Variants in OR3A2 observed in about 807,000 individuals in gnomAD.
The protein encoded by OR3A2 is olfactory receptor 3A2.
For missense variants in OR3A2, 318 were observed against 392.8 expected, an observed-to-expected ratio of 0.81 and a Z score of 1.61; for synonymous variants, 126 against 159.3, an observed-to-expected ratio of 0.79 and a Z score of 1.57.
chr17:3,331,884 T>G (rs1207524925), intron 3 of OR3A2, among the ~76,000 whole-genome samples: 1 of 150,860 alleles, frequency 6.6e-6, no homozygotes, highest in African/African-American at 2.5e-5. Context: ...GATGTACAGA[T>G]GGGTTTTTGG....
intron 3 of OR3A2, among the ~76,000 whole-genome samples, chr17:3,318,280 A>G (rs1425240176): frequency 3.3e-5 from 5 of 152,166 alleles, no homozygotes; most frequent in African/African-American, 1.2e-4. Flanking sequence ...GAGGGAAGGG[A>G]TGCACAGAAA....
intron 1 of OR3A2, among the ~76,000 whole-genome samples, chr17:3,385,527 A>G (rs1323522814): frequency 6.6e-6 from 1 of 152,202 alleles, no homozygotes; most frequent in African/African-American, 2.4e-5. Context: ...TATGCCAGGC[A>G]CTGTGCGAAG....
rs1301464747 is a variant in OR3A2 at position 3,289,727 on chromosome 17, C to T, written c.-84-10574G>A. On this transcript the variant is annotated intron_variant, in intron 3 of 4. Coordinates refer to the OR3A2 transcript ENST00000573491. ...GGTCAAGAACAGACCCAGAGGAACT[C>T]ATCAACTTATTCAAGGTCAAGCGTG... Among the ~76,000 whole-genome samples the T allele has an allele frequency of 3.6e-4, 55 of 152,290 alleles. 1 individual carries two copies. The highest frequency in any genetic ancestry group is 3.5e-3 in the Admixed American group (54 of 15,286).
intron 2 of OR3A2, among the ~76,000 whole-genome samples, chr17:3,370,857 G>T (rs970715098): frequency 6.6e-6 from 1 of 151,898 alleles, no homozygotes; most frequent in African/African-American, 2.4e-5. Context: ...TCAAGCATCT[G>T]TTTAACAAAG....
chr17:3,324,233 A>C (rs1478576131), intron 3 of OR3A2, among the ~76,000 whole-genome samples: 1 of 151,824 alleles, frequency 6.6e-6, no homozygotes, highest in Non-Finnish European at 1.5e-5. Flanking sequence ...ACTTCTCTGC[A>C]TTGGTTGTTC....
chr17:3,357,772 C>G (rs922226641), intron 2 of OR3A2, among the ~76,000 whole-genome samples: 1 of 151,596 alleles, frequency 6.6e-6, no homozygotes, highest in Non-Finnish European at 1.5e-5. Context: ...AGGTTGGTCT[C>G]AAACTCCTGG....
At chr17:3,314,151 A>C (rs2150632369) in intron 3 of OR3A2, among the ~76,000 whole-genome samples, 1 of 152,364 alleles carries the variant, frequency 6.6e-6, no homozygotes, top group African/African-American at 2.4e-5. Context: ...CTAAAACCAA[A>C]GAAGTACCTC....
At chr17:3,277,964 T>C (rs2048750138) in exon 2 of OR3A2, 1 of 1,586,260 alleles carries the variant, frequency 6.3e-7, no homozygotes, top group African/African-American at 1.3e-5. Context: ...GGGACCCCAT[T>C]ACCTCTCAGG....
chr17:3,322,308 CT>C (rs1377535335), intron 3 of OR3A2, among the ~76,000 whole-genome samples: 1 of 151,816 alleles, frequency 6.6e-6, no homozygotes, highest in Non-Finnish European at 1.5e-5. Flanking sequence ...TTTTGTTGAT[CT>C]TTTCAAAAAA....
chr17:3,361,168 C>A (rs1259942527), intron 2 of OR3A2, among the ~76,000 whole-genome samples: 2 of 150,142 alleles, frequency 1.3e-5, no homozygotes, highest in Admixed American at 1.3e-4. Context: ...GTATTTTATT[C>A]TCTTTGAAGC....
chr17:3,301,894 CA>C (rs1486742425), intron 3 of OR3A2, among the ~76,000 whole-genome samples: 1 of 151,992 alleles, frequency 6.6e-6, no homozygotes, highest in Non-Finnish European at 1.5e-5. Context: ...GATCAATGTG[CA>C]AAAATCACAA....
chr17:3,342,708 G>T (rs770831341), intron 2 of OR3A2, among the ~76,000 whole-genome samples: 2 of 152,314 alleles, frequency 1.3e-5, no homozygotes, highest in Non-Finnish European at 2.9e-5. Context: ...CTACTGGGAG[G>T]TGTCTCCAAG....
intron 2 of OR3A2, among the ~76,000 whole-genome samples, chr17:3,348,299 T>C: frequency 6.6e-6 from 1 of 152,134 alleles, no homozygotes; most frequent in Non-Finnish European, 1.5e-5. Flanking sequence ...CTTTTGGTGT[T>C]TTAGACATGA....
At chr17:3,326,086 C>T (rs1009058926) in intron 3 of OR3A2, among the ~76,000 whole-genome samples, 12 of 152,068 alleles carry the variant, frequency 7.9e-5, no homozygotes, top group Non-Finnish European at 1.0e-4. Flanking sequence ...TAATGGCTTC[C>T]AGCTCCATCC....
At chr17:3,325,201 C>T (rs915434462) in intron 3 of OR3A2, among the ~76,000 whole-genome samples, 8 of 129,740 alleles carry the variant, frequency 6.2e-5, no homozygotes, top group African/African-American at 2.4e-4. Context: ...AAGATCCTTC[C>T]AATTTTTTTT....
intron 2 of OR3A2, among the ~76,000 whole-genome samples, chr17:3,337,082 C>T (rs1243767591): frequency 1.3e-5 from 2 of 152,152 alleles, no homozygotes; most frequent in South Asian, 2.1e-4. Context: ...CATTCAGGTC[C>T]CAGGAAGCAA....
chr17:3,339,108 C>T (rs1014294520), intron 2 of OR3A2, among the ~76,000 whole-genome samples: 1 of 152,094 alleles, frequency 6.6e-6, no homozygotes, highest in Non-Finnish European at 1.5e-5. Context: ...GATTTTTGCA[C>T]ATTGATTTTG....
At chr17:3,365,790 G>T (rs553907022) in intron 2 of OR3A2, among the ~76,000 whole-genome samples, 56 of 152,284 alleles carry the variant, frequency 3.7e-4, no homozygotes, top group African/African-American at 1.2e-3. Context: ...AAAATACAAC[G>T]TGTCTTTGCC....
chr17:3,377,255 T>C (rs1343763281), intron 2 of OR3A2, among the ~76,000 whole-genome samples: 1 of 152,166 alleles, frequency 6.6e-6, no homozygotes, highest in East Asian at 1.9e-4. Context: ...TAACCGCCAT[T>C]TTCCTAGCAT....
Sources: allele counts gnomAD v4.1 joint callset (sites outside exome capture counted in the v4.1 genomes callset), GRCh38; gene constraint gnomAD v4.1.1; transcripts MANE v1.5; gene names NCBI Gene and HGNC (gene_info 2026-07-23, HGNC 2026-07-21).